The following PDE4B variants were observed in gnomAD, a reference collection of about 807,000 sequenced individuals.
PDE4B encodes the protein phosphodiesterase 4B.
In PDE4B, 20 loss-of-function variants were observed where a neutral mutation model predicts 82.2. The ratio of observed to expected loss-of-function variants is 0.24; its 90% CI spans 0.17 to 0.35. The LOEUF (loss-of-function observed/expected upper bound fraction) is 0.35. PDE4B is among the 10% of genes least tolerant of loss of function. The probability of loss-of-function intolerance (pLI) is 1.00; values close to 1 mark genes in which losing one functional copy is unlikely to be tolerated. For synonymous variants in PDE4B, 320 were observed against 318.9 expected, an observed-to-expected ratio of 1.00 and a Z score of -0.04; for missense variants, 655 against 907.2, an observed-to-expected ratio of 0.72 and a Z score of 3.57.
intron 3 of PDE4B, among the ~76,000 whole-genome samples, chr1:66,085,623 C>T (rs745616354): frequency 2.8e-4 from 43 of 151,980 alleles, no homozygotes; most frequent in Non-Finnish European, 5.9e-4. Flanking sequence ...ATCTAGAGGG[C>T]CCACATGCAG....
Position 66,332,576 on chromosome 1 carries a change from A to G in PDE4B, c.703A>G (p.Thr235Ala), listed in dbSNP as rs750063465. The G allele has an allele frequency of 6.2e-7, 1 of 1,614,076 alleles. No homozygotes were observed. The highest frequency in any genetic ancestry group is 8.5e-7 in the Non-Finnish European group (1 of 1,179,938). ...ELDWCLDQLE[T>A]IQTYRSVSEM... is the part of the protein sequence containing the mutation. The stretch of plus-strand genomic sequence containing the variant: ...AGACTGGTGTTTAGACCAGCTAGAG[A>G]CCATACAGACCTACCGGTCTGTCAG... The change falls in exon 8 of 17, where the codon ACC becomes GCC. Residue 235 changes from threonine (T) to alanine (A), a missense_variant. Thr to Ala is a moderately conservative substitution (Grantham distance 58). This residue lies in a region of PDE4B where 283 missense variants were observed against 516.4 expected (regional missense o/e 0.55). Transcript: ENST00000341517.
intron 8 of PDE4B, among the ~76,000 whole-genome samples, chr1:66,341,857 A>G (rs1324817010): frequency 6.6e-6 from 1 of 152,210 alleles, no homozygotes; most frequent in Non-Finnish European, 1.5e-5. Flanking sequence ...TTTCTGCACA[A>G]TGAGCCAGAT....
At chr1:65,874,317 G>A (rs1402973403) in intron 1 of PDE4B, among the ~76,000 whole-genome samples, 1 of 152,068 alleles carries the variant, frequency 6.6e-6, no homozygotes, top group Non-Finnish European at 1.5e-5. Context: ...GAGATTTTGG[G>A]CTGAGACAAT....
intron 1 of PDE4B, among the ~76,000 whole-genome samples, chr1:65,899,742 G>A (rs553407968): frequency 2.6e-5 from 4 of 151,110 alleles, no homozygotes; most frequent in South Asian, 2.1e-4. Context: ...TGACCTGGAC[G>A]ACATTGGAGA....
At chr1:66,367,196 A>G (rs996384686) in intron 13 of PDE4B, among the ~76,000 whole-genome samples, 5 of 152,206 alleles carry the variant, frequency 3.3e-5, no homozygotes, top group African/African-American at 7.2e-5. Flanking sequence ...AAGTGACAGT[A>G]TTTGGGTAAA....
At position 65,809,426 on chromosome 1, in the gene PDE4B, T is replaced by G. The variant is rs116143415; in HGVS notation, c.-71+16178T>G. 7.6e-3 allele frequency among the ~76,000 whole-genome samples: 1,146 copies of G among 151,736 alleles called. 9 individuals carry two copies. Among genetic ancestry groups the G allele is most frequent in the South Asian group, 0.018 (86 of 4,818 alleles). The stretch of plus-strand genomic sequence containing the variant: ...ATAGAATTGCCATGAGATCGTCAGC[T>G]TTGCCAAATGACAGCAAACATATAA... On this transcript the variant is annotated intron_variant, in intron 1 of 16. Coordinates refer to ENST00000341517, the MANE Select transcript of PDE4B (RefSeq NM_002600.4).
At chr1:66,056,061 T>C (rs751057523) in intron 3 of PDE4B, among the ~76,000 whole-genome samples, 4 of 152,274 alleles carry the variant, frequency 2.6e-5, no homozygotes, top group Non-Finnish European at 4.4e-5. Flanking sequence ...ATATATCTTA[T>C]AGTCAGGTAT....
chr1:66,088,287 G>A (rs543916314), intron 3 of PDE4B, among the ~76,000 whole-genome samples: 1 of 152,048 alleles, frequency 6.6e-6, no homozygotes, highest in East Asian at 1.9e-4. Context: ...TTTAAGGACA[G>A]GAAGTTAGTA....
intron 1 of PDE4B, among the ~76,000 whole-genome samples, chr1:65,823,650 C>G (rs948754729): frequency 1.3e-5 from 2 of 152,164 alleles, no homozygotes; most frequent in African/African-American, 4.8e-5. Flanking sequence ...CTAGTTCTGA[C>G]TGATCATCTA....
intron 3 of PDE4B, among the ~76,000 whole-genome samples, chr1:66,145,769 G>T (rs562062366): frequency 6.6e-6 from 1 of 152,256 alleles, no homozygotes; most frequent in Non-Finnish European, 1.5e-5. Flanking sequence ...CAAAGAAGGT[G>T]CCTTTCCAGC....
intron 3 of PDE4B, among the ~76,000 whole-genome samples, chr1:66,101,776 G>C (rs1432836534): frequency 2.6e-5 from 4 of 152,184 alleles, no homozygotes; most frequent in Admixed American, 2.6e-4. Context: ...CTCCCATTCT[G>C]TAGGTTGCCT....
intron 3 of PDE4B, among the ~76,000 whole-genome samples, chr1:66,188,539 T>C (rs1248661343): frequency 6.6e-6 from 1 of 151,896 alleles, no homozygotes; most frequent in Non-Finnish European, 1.5e-5. Context: ...TGCATATATA[T>C]TTAGGATAGT....
chr1:66,181,907 A>G (rs1343817935), intron 3 of PDE4B, among the ~76,000 whole-genome samples: 10 of 152,146 alleles, frequency 6.6e-5, no homozygotes, highest in Admixed American at 6.6e-4. Flanking sequence ...AGTAGTTTGA[A>G]GTTCCCTTCT....
chr1:66,133,770 T>C (rs1402783143), intron 3 of PDE4B, among the ~76,000 whole-genome samples: 1 of 152,164 alleles, frequency 6.6e-6, no homozygotes, highest in East Asian at 1.9e-4. Flanking sequence ...CTCAATATAC[T>C]TTGGGGAAGC....
chr1:66,050,514 AT>A (rs1182041262), intron 3 of PDE4B: 1 of 152,088 alleles, frequency 6.6e-6, no homozygotes, highest in Non-Finnish European at 1.5e-5. Context: ...TACATAAAGT[AT>A]TTCATTTAAA....
At chr1:65,942,254 A>G (rs966828799) in intron 3 of PDE4B, among the ~76,000 whole-genome samples, 24 of 152,074 alleles carry the variant, frequency 1.6e-4, no homozygotes, top group African/African-American at 5.8e-4. Flanking sequence ...TTTACACTCC[A>G]TATATAAGTG....
At chr1:66,172,126 G>A (rs189983745) in intron 3 of PDE4B, among the ~76,000 whole-genome samples, 1 of 152,100 alleles carries the variant, frequency 6.6e-6, no homozygotes, top group East Asian at 1.9e-4. Flanking sequence ...TGGAGTCTAC[G>A]GTGTTTATTA....
intron 4 of PDE4B, among the ~76,000 whole-genome samples, chr1:66,250,456 A>G (rs1181113002): frequency 6.6e-6 from 1 of 152,234 alleles, no homozygotes; most frequent in Non-Finnish European, 1.5e-5. Context: ...GTAACAGAAA[A>G]TTATAGTCAG....
intron 3 of PDE4B, among the ~76,000 whole-genome samples, chr1:66,090,661 GTATA>G (rs369883269): frequency 8.4e-6 from 1 of 119,158 alleles, no homozygotes; most frequent in East Asian, 2.2e-4. Context: ...ATATATGTAT[GTATA>G]TATGTGTATG....
Sources: allele counts gnomAD v4.1 joint callset (sites outside exome capture counted in the v4.1 genomes callset), GRCh38; gene constraint gnomAD v4.1.1; regional missense constraint gnomAD v4.1.1; transcripts MANE v1.5; gene names NCBI Gene and HGNC (gene_info 2026-07-23, HGNC 2026-07-21).